Variants in ARHGAP6 observed in about 807,000 individuals in gnomAD.
ARHGAP6 encodes Rho GTPase activating protein 6.
In ARHGAP6, 16 loss-of-function variants were observed where a neutral mutation model predicts 55.7. The observed-to-expected ratio is 0.29, with a 90% CI of 0.19 to 0.44. ARHGAP6 has a LOEUF of 0.44. ARHGAP6 is among the 20% of genes least tolerant of loss of function. ARHGAP6 has a pLI of 1.00. For missense variants in ARHGAP6, 698 were observed against 808.9 expected, an observed-to-expected ratio of 0.86 and a Z score of 1.66; for synonymous variants, 382 against 360.9, an observed-to-expected ratio of 1.06 and a Z score of -0.66.
intron 1 of ARHGAP6, among the ~76,000 whole-genome samples, chrX:11,292,898 C>T (rs750622449): frequency 1.8e-5 from 2 of 111,673 alleles, no homozygotes; most frequent in Non-Finnish European, 3.8e-5. Flanking sequence ...TCAATGGAAG[C>T]AGATAATAGA....
At chrX:11,287,502 T>C (rs1160794829) in intron 1 of ARHGAP6, among the ~76,000 whole-genome samples, 1 of 112,020 alleles carries the variant, frequency 8.9e-6, no homozygotes, top group Admixed American at 9.4e-5. Context: ...ACGAACTTTC[T>C]TGTAGAAACC....
chrX:11,472,750 G>T (rs1361528946), intron 1 of ARHGAP6, among the ~76,000 whole-genome samples: 1 of 111,499 alleles, frequency 9.0e-6, no homozygotes, highest in Non-Finnish European at 1.9e-5. Flanking sequence ...TGAAGGAAAT[G>T]GGAGTCACTG....
chrX:11,532,169 A>G (rs61259552), intron 1 of ARHGAP6, among the ~76,000 whole-genome samples: 11,377 of 111,720 alleles, frequency 0.1, 713 homozygotes, highest in African/African-American at 0.22. Flanking sequence ...CCATTCATTC[A>G]TTATTAACTG....
intron 1 of ARHGAP6, among the ~76,000 whole-genome samples, chrX:11,270,783 C>A (rs753383894): frequency 1.1e-4 from 12 of 112,003 alleles, no homozygotes; most frequent in Non-Finnish European, 1.9e-4. Flanking sequence ...TCTAGGAATT[C>A]TTTCTTTATG....
chrX:11,395,633 C>T (rs908440969), intron 1 of ARHGAP6, among the ~76,000 whole-genome samples: 2 of 112,118 alleles, frequency 1.8e-5, no homozygotes, highest in Admixed American at 9.5e-5. Flanking sequence ...TAGGTACTAC[C>T]GGCAGTGAAA....
intron 1 of ARHGAP6, among the ~76,000 whole-genome samples, chrX:11,331,963 A>T (rs2048567772): frequency 8.9e-6 from 1 of 112,259 alleles, no homozygotes; most frequent in Non-Finnish European, 1.9e-5. Context: ...CTGTATAAAC[A>T]ACTAACAAAA....
chrX:11,355,520 A>G (rs1053397114), intron 1 of ARHGAP6, among the ~76,000 whole-genome samples: 1 of 112,591 alleles, frequency 8.9e-6, no homozygotes, highest in African/African-American at 3.2e-5. Context: ...ATTTCAAATG[A>G]CAGAATGAGA....
At chrX:11,349,423 G>C (rs1217591419) in intron 1 of ARHGAP6, among the ~76,000 whole-genome samples, 1 of 111,278 alleles carries the variant, frequency 9.0e-6, no homozygotes, top group Non-Finnish European at 1.9e-5. Context: ...TAGAAATAAA[G>C]TACCATCAGG....
At chrX:11,168,766 G>A (rs1398698977) in intron 9 of ARHGAP6, among the ~76,000 whole-genome samples, 1 of 112,064 alleles carries the variant, frequency 8.9e-6, no homozygotes, top group Non-Finnish European at 1.9e-5. Context: ...AGAAATAGAA[G>A]AGAGTTGGCA....
intron 1 of ARHGAP6, among the ~76,000 whole-genome samples, chrX:11,451,406 T>C (rs1489136087): frequency 8.9e-6 from 1 of 112,249 alleles, no homozygotes; most frequent in Non-Finnish European, 1.9e-5. Flanking sequence ...TGGTGCCATC[T>C]GACTTGATTT....
intron 1 of ARHGAP6, among the ~76,000 whole-genome samples, chrX:11,365,815 T>C (rs1234862256): frequency 8.9e-6 from 1 of 112,058 alleles, no homozygotes. Flanking sequence ...TTTTATACAT[T>C]AAAAAATGGG....
intron 1 of ARHGAP6, among the ~76,000 whole-genome samples, chrX:11,412,987 A>G: frequency 8.9e-6 from 1 of 112,164 alleles, no homozygotes. Flanking sequence ...TTCACAGGCC[A>G]CAGGTTGCCA....
intron 1 of ARHGAP6, among the ~76,000 whole-genome samples, chrX:11,591,778 TAC>T (rs2051837992): frequency 8.9e-6 from 1 of 112,051 alleles, no homozygotes; most frequent in Admixed American, 9.5e-5. Flanking sequence ...GTAAATTTAC[TAC>T]ATATATCATT....
chrX:11,429,598 A>G (rs1230983336), intron 1 of ARHGAP6, among the ~76,000 whole-genome samples: 2 of 112,430 alleles, frequency 1.8e-5, no homozygotes, highest in Non-Finnish European at 3.8e-5. Context: ...GAGAAAGTCA[A>G]TTGAACTATT....
At chrX:11,220,312 C>T (rs940876240) in intron 2 of ARHGAP6, among the ~76,000 whole-genome samples, 1 of 110,999 alleles carries the variant, frequency 9.0e-6, no homozygotes. Context: ...AGAAGAGCAA[C>T]TCCAAGACAC....
chrX:11,338,971 ACTC>A (rs1432862244), intron 1 of ARHGAP6, among the ~76,000 whole-genome samples: 1 of 111,230 alleles, frequency 9.0e-6, no homozygotes, highest in Non-Finnish European at 1.9e-5. Context: ...AAATGCTGGC[ACTC>A]CTCATGGCTC....
chrX:11,534,290 G>A (rs2051080706), intron 1 of ARHGAP6, among the ~76,000 whole-genome samples: 1 of 110,977 alleles, frequency 9.0e-6, no homozygotes, highest in African/African-American at 3.3e-5. Flanking sequence ...TGTTATTATG[G>A]GTCCCACTGT....
At chrX:11,359,095 T>A (rs895934946) in intron 1 of ARHGAP6, among the ~76,000 whole-genome samples, 1 of 112,059 alleles carries the variant, frequency 8.9e-6, no homozygotes, top group Non-Finnish European at 1.9e-5. Flanking sequence ...TATTATCTGT[T>A]ATGGCATCTC....
intron 9 of ARHGAP6, among the ~76,000 whole-genome samples, chrX:11,163,020 G>T (rs2045972344): frequency 8.9e-6 from 1 of 111,798 alleles, no homozygotes; most frequent in African/African-American, 3.3e-5. Flanking sequence ...ACGAAACCCA[G>T]CCCAAAGTGA....
Sources: gnomAD v4.1 joint callset for allele counts (sites outside exome capture counted in the v4.1 genomes callset) on GRCh38, gnomAD v4.1.1 for gene constraint, MANE v1.5 for transcripts, NCBI Gene and HGNC (gene_info 2026-07-23, HGNC 2026-07-21) for gene names.